The following PIP5K1B variants were observed in gnomAD, a reference collection of about 807,000 sequenced individuals.
The protein encoded by PIP5K1B is phosphatidylinositol-4-phosphate 5-kinase type 1 beta, also known as phosphatidylinositol 4-phosphate 5-kinase type-1 beta.
A neutral mutation model predicts 67.0 loss-of-function variants in PIP5K1B; 42 were observed. The observed-to-expected ratio is 0.63, with a 90% confidence interval of 0.49 to 0.81. PIP5K1B has a LOEUF of 0.81. PIP5K1B is among the 30% of genes least tolerant of loss of function. PIP5K1B has a pLI of 0.00. For missense variants in PIP5K1B, 459 were observed against 646.3 expected (o/e 0.71, Z 3.14); for synonymous variants, 214 against 231.4 (o/e 0.92, Z 0.68).
intron 11 of PIP5K1B, among the ~76,000 whole-genome samples, chr9:68,922,671 G>A (rs566561260): frequency 1.3e-5 from 2 of 152,014 alleles, no homozygotes; most frequent in African/African-American, 4.8e-5. Context: ...TGACCCTTCA[G>A]CCCTAAAGAC....
chr9:68,957,688 A>G (rs1828473413), intron 14 of PIP5K1B, among the ~76,000 whole-genome samples: 1 of 152,150 alleles, frequency 6.6e-6, no homozygotes, highest in Non-Finnish European at 1.5e-5. Flanking sequence ...ATTGGTCACC[A>G]TGTCCCTGTG....
At chr9:68,744,741 T>G (rs534855471) in intron 2 of PIP5K1B, among the ~76,000 whole-genome samples, 1 of 152,252 alleles carries the variant, frequency 6.6e-6, no homozygotes, top group South Asian at 2.1e-4. Context: ...CTTTCTCTTG[T>G]GGGGCCCTTT....
chr9:68,725,277 C>T (rs939787320), intron 1 of PIP5K1B, among the ~76,000 whole-genome samples: 7 of 152,144 alleles, frequency 4.6e-5, no homozygotes, highest in African/African-American at 1.2e-4. Flanking sequence ...CTGACTCATC[C>T]GGCCTCTCTG....
chr9:68,783,135 C>G (rs1380342332), intron 2 of PIP5K1B: 1 of 167,022 alleles, frequency 6.0e-6, no homozygotes, highest in Non-Finnish European at 1.5e-5. Context: ...TTTTCGCCCT[C>G]TTGCTTGAAA....
intron 4 of PIP5K1B, among the ~76,000 whole-genome samples, chr9:68,836,413 ATGGAGTCT>A (rs777322086): frequency 6.8e-4 from 104 of 152,174 alleles, no homozygotes; most frequent in Non-Finnish European, 1.2e-3. Flanking sequence ...AAATCAAAGG[ATGGAGTCT>A]TCTGAGATTC....
chr9:68,729,479 G>A (rs1046503019), intron 1 of PIP5K1B, among the ~76,000 whole-genome samples: 1 of 152,034 alleles, frequency 6.6e-6, no homozygotes, highest in African/African-American at 2.4e-5. Context: ...ATGTTCAACT[G>A]TATTAAAATT....
At chr9:68,969,931 A>G (rs1015204608) in intron 14 of PIP5K1B, among the ~76,000 whole-genome samples, 10 of 152,220 alleles carry the variant, frequency 6.6e-5, no homozygotes, top group Admixed American at 1.3e-4. Context: ...CATTGAGGAC[A>G]TATTTGTTGA....
At chr9:68,823,763 T>C (rs1044809716) in intron 4 of PIP5K1B, among the ~76,000 whole-genome samples, 1 of 152,238 alleles carries the variant, frequency 6.6e-6, no homozygotes, top group Admixed American at 6.5e-5. Context: ...TAATTTTTCC[T>C]TTTATACTTT....
At chr9:68,737,617 T>G (rs1445240875) in intron 1 of PIP5K1B, among the ~76,000 whole-genome samples, 1 of 152,230 alleles carries the variant, frequency 6.6e-6, no homozygotes, top group Non-Finnish European at 1.5e-5. Context: ...GGCATCATCT[T>G]TGAGCCATTG....
At chr9:68,965,727 A>T (rs1828989401) in intron 14 of PIP5K1B, 1 of 152,190 alleles carries the variant, frequency 6.6e-6, no homozygotes, top group Non-Finnish European at 1.5e-5. Flanking sequence ...GCGCTTTGGG[A>T]GGCCAAGGCA....
intron 12 of PIP5K1B, among the ~76,000 whole-genome samples, chr9:68,932,495 A>C (rs1827052611): frequency 6.6e-6 from 1 of 152,194 alleles, no homozygotes; most frequent in African/African-American, 2.4e-5. Context: ...ATAATTACAA[A>C]ATATAATTAT....
chr9:68,717,509 A>G (rs976334657), intron 1 of PIP5K1B, among the ~76,000 whole-genome samples: 1 of 152,190 alleles, frequency 6.6e-6, no homozygotes, highest in African/African-American at 2.4e-5. Flanking sequence ...TCTGGAGGCT[A>G]AGAGTCCAAG....
rs200797718 is a variant in PIP5K1B at position 68,918,087 on chromosome 9, A to ATTTT, written c.983+331_983+332insTTTT. ...TTTGAATAAACATGTTTTATTGTTT[A>ATTTT]TTTATTTATTTTTTTTTTTTGAGAC... On this transcript the variant is annotated intron_variant, in intron 9 of 15. Coordinates refer to ENST00000265382, the MANE Select transcript of PIP5K1B (RefSeq NM_003558.4). Among the ~76,000 whole-genome samples, 10 of 133,012 alleles carry ATTTT rather than the reference A, an allele frequency of 7.5e-5. 2 individuals carry two copies. The highest frequency in any genetic ancestry group is 1.3e-4 in the Non-Finnish European group (8 of 60,244). 87.3% of individuals were successfully genotyped at this position (133,012 alleles called of 152,430 possible).
At chr9:68,945,715 T>C (rs773925776) in intron 14 of PIP5K1B, among the ~76,000 whole-genome samples, 1 of 152,192 alleles carries the variant, frequency 6.6e-6, no homozygotes, top group African/African-American at 2.4e-5. Flanking sequence ...CATGAGGAAA[T>C]TGATGCTTAG....
At chr9:69,000,196 T>C (rs770690317) in intron 15 of PIP5K1B, among the ~76,000 whole-genome samples, 1 of 152,104 alleles carries the variant, frequency 6.6e-6, no homozygotes, top group Non-Finnish European at 1.5e-5. Flanking sequence ...TTCTACTGTT[T>C]AGGCAGCAAT....
At position 68,919,721 on chromosome 9, in the gene PIP5K1B, T is replaced by A. The variant is rs1255684851; in HGVS notation, c.1108T>A (p.Tyr370Asn). 1 of 1,541,114 alleles carries A rather than the reference T, an allele frequency of 6.5e-7. No homozygotes were observed. Among genetic ancestry groups the A allele is most frequent in the Non-Finnish European group, 9.0e-7 (1 of 1,115,196 alleles). The change falls in exon 11 of 16, where the codon TAT becomes AAT. Residue 370 changes from tyrosine to asparagine, a missense_variant. This residue lies in a region of PIP5K1B where 290 missense variants were observed against 474.4 expected (regional missense o/e 0.61). Transcript: ENST00000265382. ...KLEHSWKALVYDGDTVSVHRP... is the reference protein window; with the variant it reads ...KLEHSWKALVNDGDTVSVHRP... ...AGAACATTCCTGGAAAGCTCTTGTT[T>A]ATGATGGGGTAAGTGACTTATTTTC...
chr9:68,953,733 G>A (rs1828221463), intron 14 of PIP5K1B, among the ~76,000 whole-genome samples: 1 of 151,574 alleles, frequency 6.6e-6, no homozygotes, highest in African/African-American at 2.4e-5. Context: ...TTGAGCCTGG[G>A]TGGTTGAGGC....
At chr9:68,841,323 G>A (rs755703281) in intron 4 of PIP5K1B, among the ~76,000 whole-genome samples, 2 of 152,174 alleles carry the variant, frequency 1.3e-5, no homozygotes, top group Non-Finnish European at 2.9e-5. Flanking sequence ...TGCTGGAGAC[G>A]ATGTGGCCCC....
intron 2 of PIP5K1B, chr9:68,783,961 C>T (rs1286362609): frequency 6.0e-6 from 1 of 167,148 alleles, no homozygotes; most frequent in Non-Finnish European, 1.5e-5. Flanking sequence ...GAATTTGGTC[C>T]TTCCCTCCTC....
Sources: allele counts gnomAD v4.1 joint callset (sites outside exome capture counted in the v4.1 genomes callset), GRCh38; gene constraint gnomAD v4.1.1; regional missense constraint gnomAD v4.1.1; transcripts MANE v1.5; gene names NCBI Gene and HGNC (gene_info 2026-07-23, HGNC 2026-07-21).